The following GUCY1B1 variants were observed in gnomAD, a reference collection of about 807,000 sequenced individuals.
The protein encoded by GUCY1B1 is guanylate cyclase 1 soluble subunit beta 1.
In GUCY1B1, 43 loss-of-function variants were observed where a neutral mutation model predicts 71.0. The observed-to-expected ratio is 0.61, with a 90% CI of 0.47 to 0.78. The LOEUF (loss-of-function observed/expected upper bound fraction) is 0.78. Among genes scored for constraint, GUCY1B1 ranks in the 30% least tolerant of loss-of-function variants. GUCY1B1 has a pLI of 0.00. For synonymous variants in GUCY1B1, 266 were observed against 259.7 expected, an observed-to-expected ratio of 1.02 and a Z score of -0.23; for missense variants, 535 against 754.1, an observed-to-expected ratio of 0.71 and a Z score of 3.40.
chr4:155,769,860 G>A (rs1479555733), intron 2 of GUCY1B1, among the ~76,000 whole-genome samples: 1 of 151,848 alleles, frequency 6.6e-6, no homozygotes, highest in Non-Finnish European at 1.5e-5. Context: ...TCCCTATTAT[G>A]TAATTATATA....
intron 4 of GUCY1B1, among the ~76,000 whole-genome samples, chr4:155,781,423 G>A (rs1228804594): frequency 6.6e-6 from 1 of 152,066 alleles, no homozygotes; most frequent in Non-Finnish European, 1.5e-5. Context: ...AAAGGCTTTG[G>A]TGCCAATATC....
At chr4:155,762,048 T>A (rs1560997300) in intron 2 of GUCY1B1, among the ~76,000 whole-genome samples, 1 of 152,196 alleles carries the variant, frequency 6.6e-6, no homozygotes, top group Non-Finnish European at 1.5e-5. Flanking sequence ...ATGGTTGAAC[T>A]CTCTGCACTG....
Position 155,806,398 on chromosome 4 carries a change from G to A in GUCY1B1, c.1849G>A (p.Asp617Asn). ...CTGCCTATTTAAGGAAACAAAGCAG[G>A]ATGATGACTGAATCTTGGATTATGG... ...KNTGTEETKQDDD is the reference protein window; with the variant it reads ...KNTGTEETKQNDD The change falls in exon 14 of 14, where the codon GAT (aspartate) becomes AAT (asparagine). Residue 617 changes from aspartate to asparagine, a missense_variant. Physicochemically the swap from Asp to Asn is conservative, Grantham distance 23. Coordinates refer to ENST00000264424, the MANE Select transcript of GUCY1B1 (RefSeq NM_000857.5). 2 of 1,605,004 alleles carry A rather than the reference G, an allele frequency of 1.2e-6. No homozygotes were observed. Among genetic ancestry groups the A allele is most frequent in the Non-Finnish European group, 1.7e-6 (2 of 1,172,270 alleles).
At chr4:155,781,504 G>A (rs974397077) in intron 4 of GUCY1B1, among the ~76,000 whole-genome samples, 40 of 152,086 alleles carry the variant, frequency 2.6e-4, no homozygotes, top group African/African-American at 9.6e-4. Flanking sequence ...TGCATTATGC[G>A]TATTTTAAGC....
intron 1 of GUCY1B1, 133 bp downstream of exon 1, chr4:155,759,276 C>A: frequency 1.2e-6 from 1 of 839,302 alleles, no homozygotes; most frequent in Non-Finnish European, 1.8e-6. Context: ...GGAGCAGCCT[C>A]ACTCCTTGCC....
chr4:155,795,755 T>C (rs13121328), intron 7 of GUCY1B1, among the ~76,000 whole-genome samples: 2,814 of 152,024 alleles, frequency 0.019, 41 homozygotes, highest in South Asian at 0.042. Context: ...GTGCCTTATT[T>C]TAGAAATCAG....
At chr4:155,769,765 C>T (rs1358662490) in intron 2 of GUCY1B1, among the ~76,000 whole-genome samples, 1 of 152,008 alleles carries the variant, frequency 6.6e-6, no homozygotes. Flanking sequence ...TCAGAAAAAT[C>T]TTAAATTGTG....
At chr4:155,782,238 G>C (rs1738481664) in intron 4 of GUCY1B1, among the ~76,000 whole-genome samples, 1 of 152,080 alleles carries the variant, frequency 6.6e-6, no homozygotes, top group African/African-American at 2.4e-5. Flanking sequence ...ACCACACCCA[G>C]CTGATTTCTT....
rs920842019 is a variant in GUCY1B1, at chr4:155,802,639, C to G, written c.1413+60C>G. 1 of 1,426,836 alleles carries G rather than the reference C, an allele frequency of 7.0e-7. No homozygotes were observed. The highest frequency in any genetic ancestry group is 9.4e-7 in the Non-Finnish European group (1 of 1,063,288). The allele number at this position is 1,426,836 out of a possible 1,614,324, so 88.4% of individuals were successfully genotyped here. A position where few individuals can be genotyped will look rare whatever the true frequency, so the allele number is the denominator to read the frequency against. ...CAGAGGCTGGCGTTCTGAGACTCCC[C>G]TCCAGAGGCCATGTCATCACAGCTC... On this transcript the variant is annotated intron_variant, in intron 10 of 13. Transcript: ENST00000264424. The surrounding 1 kb of genome is among the most constrained non-coding windows in gnomAD (Gnocchi z 4.3).
At chr4:155,782,653 A>C (rs1738514578) in intron 4 of GUCY1B1, among the ~76,000 whole-genome samples, 1 of 152,110 alleles carries the variant, frequency 6.6e-6, no homozygotes, top group Non-Finnish European at 1.5e-5. Flanking sequence ...CGGGAGGTAA[A>C]ATTCTCTTTT....
intron 8 of GUCY1B1, among the ~76,000 whole-genome samples, chr4:155,797,916 A>G (rs1249676568): frequency 6.6e-6 from 1 of 151,942 alleles, no homozygotes; most frequent in Non-Finnish European, 1.5e-5. Flanking sequence ...AGAAACATAA[A>G]CGCTTTTTAA....
At position 155,759,151 on chromosome 4, in the gene GUCY1B1, C is replaced by T; in HGVS notation, c.3+8C>T. Reference sequence around the variant, plus strand: ...CCCGGTGCAGACACCATGGTAAGTGCTCTCAGCCGGGTGCGGCCCGAACCT... The same window carrying T: ...CCCGGTGCAGACACCATGGTAAGTGTTCTCAGCCGGGTGCGGCCCGAACCT... On this transcript the variant is annotated splice_region_variant and intron_variant, in intron 1 of 13. Transcript: ENST00000264424. 2 of 1,585,342 alleles carry T rather than the reference C, an allele frequency of 1.3e-6. No individual in the cohort carries two copies. The highest frequency in any genetic ancestry group is 2.3e-5 in the South Asian group (2 of 86,694).
chr4:155,797,767 C>T (rs1479990642), intron 8 of GUCY1B1, among the ~76,000 whole-genome samples: 2 of 85,872 alleles, frequency 2.3e-5, no homozygotes, highest in South Asian at 4.3e-4. Flanking sequence ...AATAATATAT[C>T]GTTAATTTTT....
At chr4:155,791,526 T>A (rs574685207) in intron 5 of GUCY1B1, among the ~76,000 whole-genome samples, 11 of 147,380 alleles carry the variant, frequency 7.5e-5, no homozygotes, top group Non-Finnish European at 1.4e-4. Context: ...GTCAGGAGAT[T>A]GAGACCATCC....
intron 2 of GUCY1B1, among the ~76,000 whole-genome samples, chr4:155,761,828 A>C (rs1288520991): frequency 2.0e-5 from 3 of 152,234 alleles, no homozygotes; most frequent in Non-Finnish European, 4.4e-5. Flanking sequence ...CCAATCATCC[A>C]CAACACAATT....
intron 2 of GUCY1B1, among the ~76,000 whole-genome samples, chr4:155,768,164 C>G (rs942701183): frequency 6.6e-6 from 1 of 152,086 alleles, no homozygotes; most frequent in Admixed American, 6.6e-5. Flanking sequence ...TCTCCCATTT[C>G]AAAATACTCC....
chr4:155,802,256 C>T lies in GUCY1B1; in HGVS notation c.1176-86C>T. The T allele has an allele frequency of 6.3e-7, 1 of 1,576,862 alleles. No homozygotes were observed. The highest frequency in any genetic ancestry group is 8.6e-7 in the Non-Finnish European group (1 of 1,163,246). On this transcript the variant is annotated intron_variant, in intron 9 of 13. Coordinates refer to ENST00000264424, the MANE Select transcript of GUCY1B1 (RefSeq NM_000857.5). This position sits in a 1 kb window ranked among gnomAD's most constrained non-coding sequence, Gnocchi z 4.3. ...CCAGGCCTTTAAAGTACAAACGACACTGATGCTGTGTGAAAAGGACAGCAG... is the reference window on the plus strand; with the variant it reads ...CCAGGCCTTTAAAGTACAAACGACATTGATGCTGTGTGAAAAGGACAGCAG...
chr4:155,786,065 T>C (rs1738743608), intron 4 of GUCY1B1, among the ~76,000 whole-genome samples: 1 of 151,834 alleles, frequency 6.6e-6, no homozygotes, highest in Non-Finnish European at 1.5e-5. Flanking sequence ...CCAGCATAAG[T>C]GGTGCCAGTG....
chr4:155,772,529 A>C (rs1579201213), intron 2 of GUCY1B1: 1 of 528,936 alleles, frequency 1.9e-6, no homozygotes. Context: ...ATATTCTCCC[A>C]CCTCAGCCTC....
Sources: gnomAD v4.1 joint callset for allele counts (sites outside exome capture counted in the v4.1 genomes callset) on GRCh38, gnomAD v4.1.1 for gene constraint, Gnocchi (gnomAD v3.1) non-coding constraint, MANE v1.5 for transcripts, NCBI Gene and HGNC (gene_info 2026-07-23, HGNC 2026-07-21) for gene names.